The following CILK1 variants were observed in gnomAD, a reference collection of about 807,000 sequenced individuals.
CILK1 encodes the protein ciliogenesis associated kinase 1.
In CILK1, 47 loss-of-function variants were observed where a neutral mutation model predicts 79.2. The ratio of observed to expected loss-of-function variants is 0.59; its 90% CI spans 0.47 to 0.76. The LOEUF (loss-of-function observed/expected upper bound fraction) is 0.76, where lower values mean the gene tolerates loss of function less well. Ranked by LOEUF, CILK1 falls within the 30% of genes least tolerant of loss-of-function variation. CILK1 has a pLI of 0.00. For synonymous variants in CILK1, 266 were observed against 275.9 expected (o/e 0.96, Z 0.36); for missense variants, 660 against 769.5 (o/e 0.86, Z 1.68).
At chr6:53,025,860 A>C (rs1225957233) in intron 5 of CILK1, among the ~76,000 whole-genome samples, 1 of 152,200 alleles carries the variant, frequency 6.6e-6, no homozygotes, top group African/African-American at 2.4e-5. Context: ...TACACATGAG[A>C]TCTATTCCTG....
chr6:53,034,121 C>CAT (rs1343691657), intron 3 of CILK1, among the ~76,000 whole-genome samples: 4 of 152,218 alleles, frequency 2.6e-5, no homozygotes, highest in Non-Finnish European at 5.9e-5. Context: ...GCTTAAAACG[C>CAT]ATCACAAGCA....
At position 53,005,176 on chromosome 6, in the gene CILK1, C is replaced by A. The variant is rs1205470770; in HGVS notation, c.1872G>T (p.Trp624Cys). The change falls in exon 14 of 14, where the codon TGG (tryptophan) becomes TGT (cysteine). Residue 624 changes from tryptophan (W) to cysteine (C), a missense_variant. Trp to Cys is a radical substitution (Grantham distance 215). Transcript: ENST00000676107. ...AAQPVHGRTD[W>C]ASKYASRR is the part of the protein sequence containing the mutation. Reference sequence around the variant, plus strand: ...ATCGCCGAGATGCGTACTTGGAAGCCCAGTCTGTCCGGCCATGCACTGGCT... The same window carrying A: ...ATCGCCGAGATGCGTACTTGGAAGCACAGTCTGTCCGGCCATGCACTGGCT... 7 of 1,614,070 alleles carry A rather than the reference C, an allele frequency of 4.3e-6. No individual in the cohort carries two copies. The highest frequency in any genetic ancestry group is 5.9e-6 in the Non-Finnish European group (7 of 1,180,038).
intron 7 of CILK1, among the ~76,000 whole-genome samples, chr6:53,016,986 T>C (rs1225155448): frequency 6.6e-6 from 1 of 152,250 alleles, no homozygotes. Context: ...CTTAGTGTTG[T>C]TGGAGATCCA....
chr6:53,034,655 G>A (rs1039655700), intron 3 of CILK1, among the ~76,000 whole-genome samples: 2 of 152,034 alleles, frequency 1.3e-5, no homozygotes, highest in Admixed American at 1.3e-4. Flanking sequence ...GGGCCCCCAG[G>A]GTATCCTGGG....
At chr6:53,022,943 T>TC (rs1469607998) in intron 5 of CILK1, among the ~76,000 whole-genome samples, 18 of 152,066 alleles carry the variant, frequency 1.2e-4, no homozygotes, top group African/African-American at 4.3e-4. Context: ...AACCATTTTT[T>TC]TTTTTTTTGA....
chr6:53,027,930 G>C (rs1458625118), intron 5 of CILK1, among the ~76,000 whole-genome samples: 1 of 152,050 alleles, frequency 6.6e-6, no homozygotes, highest in Non-Finnish European at 1.5e-5. Flanking sequence ...GGTGGATCAC[G>C]AGGTCAGGAG....
rs368809739 is a variant in CILK1, at chr6:53,006,751, A to C, written c.1622-314T>G. ...TCTTTTGTAAAAGTAGATTTAGACT[A>C]TTCTAAAATTTGCTTTTTTCACTCC... On this transcript the variant is annotated intron_variant, in intron 12 of 13. Transcript: ENST00000676107. 7.2e-5 allele frequency among the ~76,000 whole-genome samples: 11 copies of C among 152,322 alleles called. No homozygotes were observed. In the East Asian group the frequency reaches 1.7e-3, roughly 24 times the overall value.
chr6:53,036,804 T>C (rs1562031109), intron 3 of CILK1, among the ~76,000 whole-genome samples: 1 of 152,216 alleles, frequency 6.6e-6, no homozygotes, highest in African/African-American at 2.4e-5. Flanking sequence ...CCAATTAAGT[T>C]AAATATTATG....
At chr6:53,009,670 T>C in intron 11 of CILK1, 103 bp from the exon 12 acceptor site, 2 of 989,482 alleles carry the variant, frequency 2.0e-6, no homozygotes, top group Non-Finnish European at 3.1e-6. Context: ...AAAAACTCTC[T>C]ATGATACAAT....
At chr6:53,008,426 AC>A (rs1263825305) in intron 12 of CILK1, among the ~76,000 whole-genome samples, 2 of 150,526 alleles carry the variant, frequency 1.3e-5, no homozygotes, top group African/African-American at 4.9e-5. Flanking sequence ...GCCAAGTTCA[AC>A]TTTTTTTTTT....
chr6:53,058,320 G>A (rs922954410), intron 1 of CILK1, among the ~76,000 whole-genome samples: 3 of 152,096 alleles, frequency 2.0e-5, no homozygotes, highest in African/African-American at 7.2e-5. Context: ...TTCTTTGGCT[G>A]CAATCAAAGG....
chr6:53,035,293 T>C (rs755270049), intron 3 of CILK1, among the ~76,000 whole-genome samples: 39 of 151,706 alleles, frequency 2.6e-4, no homozygotes, highest in Non-Finnish European at 5.4e-4. Flanking sequence ...GGCACATTTA[T>C]AGACTAAAAA....
intron 1 of CILK1, among the ~76,000 whole-genome samples, chr6:53,050,493 A>G (rs917501045): frequency 6.6e-6 from 1 of 151,040 alleles, no homozygotes; most frequent in African/African-American, 2.4e-5. Flanking sequence ...AATACATTAT[A>G]TATAAGTATA....
At chr6:53,044,551 A>T (rs905138414) in intron 1 of CILK1, among the ~76,000 whole-genome samples, 1 of 152,218 alleles carries the variant, frequency 6.6e-6, no homozygotes, top group East Asian at 1.9e-4. Flanking sequence ...TCAAGTGGGT[A>T]GAACAAAAAT....
At chr6:53,029,946 T>A (rs936587831) in intron 5 of CILK1, among the ~76,000 whole-genome samples, 7 of 152,184 alleles carry the variant, frequency 4.6e-5, no homozygotes, top group Admixed American at 2.0e-4. Flanking sequence ...GGCCCACCTG[T>A]GGATACGTCC....
intron 1 of CILK1, among the ~76,000 whole-genome samples, chr6:53,051,488 T>G (rs528038822): frequency 2.2e-4 from 34 of 152,330 alleles, no homozygotes; most frequent in Non-Finnish European, 4.1e-4. Context: ...TTCCAGCTTC[T>G]GGTGGTTGCA....
intron 5 of CILK1, among the ~76,000 whole-genome samples, chr6:53,024,779 C>T (rs1765464984): frequency 6.6e-6 from 1 of 151,140 alleles, no homozygotes; most frequent in Non-Finnish European, 1.5e-5. Flanking sequence ...AGAAATGTGT[C>T]ATAGCTATTA....
intron 1 of CILK1, among the ~76,000 whole-genome samples, chr6:53,044,653 T>C (rs1229486705): frequency 6.6e-6 from 1 of 152,164 alleles, no homozygotes; most frequent in African/African-American, 2.4e-5. Context: ...ATGATATCCC[T>C]CCTCCAAATT....
At chr6:53,018,694 T>C (rs774520867) in intron 6 of CILK1, among the ~76,000 whole-genome samples, 193 bp from the exon 7 acceptor site, 7 of 152,218 alleles carry the variant, frequency 4.6e-5, no homozygotes, top group Non-Finnish European at 8.8e-5. Context: ...TAGTTCACAA[T>C]ATTTTCTACT....
Sources: allele counts gnomAD v4.1 joint callset (sites outside exome capture counted in the v4.1 genomes callset), GRCh38; gene constraint gnomAD v4.1.1; transcripts MANE v1.5; gene names NCBI Gene and HGNC (gene_info 2026-07-23, HGNC 2026-07-21).